The following LAMC2 variants were observed in gnomAD, a reference collection of about 807,000 sequenced individuals.
LAMC2 encodes the protein laminin subunit gamma 2.
In LAMC2, 97 loss-of-function variants were observed where a neutral mutation model predicts 140.2. The ratio of observed to expected loss-of-function variants is 0.69; its 90% CI spans 0.59 to 0.82. LAMC2 has a LOEUF of 0.82. LAMC2 is among the 40% of genes least tolerant of loss of function. The pLI, the probability that LAMC2 is intolerant of heterozygous loss-of-function variation, is 0.00. For missense variants in LAMC2, 1,402 were observed against 1,476.1 expected, an observed-to-expected ratio of 0.95 and a Z score of 0.82; for synonymous variants, 513 against 540.2, an observed-to-expected ratio of 0.95 and a Z score of 0.70.
chr1:183,224,719 C>G (rs1197330905), intron 7 of LAMC2, among the ~76,000 whole-genome samples: 1 of 151,508 alleles, frequency 6.6e-6, no homozygotes, highest in African/African-American at 2.4e-5. Flanking sequence ...GCTCTCCTGC[C>G]TGGAATACTC....
rs1189267296 is a variant in LAMC2, at chr1:183,221,444, C to A, written c.640+483C>A. 3.9e-5 allele frequency among the ~76,000 whole-genome samples: 6 copies of A among 152,146 alleles called. No homozygotes were observed. In the East Asian group the frequency reaches 1.2e-3, roughly 29 times the overall value. On this transcript the variant is annotated intron_variant, in intron 5 of 22. Coordinates refer to ENST00000264144, the MANE Select transcript of LAMC2 (RefSeq NM_005562.3). ...GAGTTTCCCTTTGAAAAGACTGGAC[C>A]CGGGCCAAGCGTGGTGGCTCACACC...
chr1:183,190,080 T>A (rs1040975257), intron 1 of LAMC2, among the ~76,000 whole-genome samples: 1 of 152,152 alleles, frequency 6.6e-6, no homozygotes, highest in African/African-American at 2.4e-5. Context: ...TGGGTTCAAA[T>A]CCCAGCCCTA....
intron 1 of LAMC2, among the ~76,000 whole-genome samples, chr1:183,201,482 A>G (rs1043375898): frequency 2.0e-5 from 3 of 152,006 alleles, no homozygotes; most frequent in Non-Finnish European, 4.4e-5. Context: ...CCCTAACTCC[A>G]TTTCCCCATA....
At chr1:183,258,038 A>T in the LAMC2 span, among the ~76,000 whole-genome samples, 15 of 152,174 alleles carry the variant, frequency 9.9e-5, no homozygotes, top group Non-Finnish European at 1.9e-4. Flanking sequence ...GTTCCTCTGC[A>T]TGCTGGCCTC....
At chr1:183,236,711 A>G in intron 17 of LAMC2, 107 bp downstream of exon 17, 1 of 1,342,894 alleles carries the variant, frequency 7.4e-7, no homozygotes, top group Non-Finnish European at 1.1e-6. Context: ...CTCCATGTTG[A>G]CCATTTCTGT....
the LAMC2 span, chr1:183,250,434 G>A: frequency 6.6e-6 from 1 of 152,264 alleles, no homozygotes; most frequent in African/African-American, 2.4e-5. Flanking sequence ...GAGCACCTGG[G>A]ACAGATATAA....
At chr1:183,186,947 T>C (rs1339023519) in intron 1 of LAMC2, among the ~76,000 whole-genome samples, 1 of 152,210 alleles carries the variant, frequency 6.6e-6, no homozygotes, top group Non-Finnish European at 1.5e-5. Context: ...TCATAGTATT[T>C]TCATGTAATA....
intron 1 of LAMC2, among the ~76,000 whole-genome samples, chr1:183,199,097 CTTTTT>C (rs906113983): frequency 7.4e-5 from 5 of 67,608 alleles, no homozygotes; most frequent in South Asian, 1.3e-3. Context: ...GTTGGCTTTT[CTTTTT>C]TTTTTTTTTT....
At chr1:183,189,980 T>C (rs751346749) in intron 1 of LAMC2, among the ~76,000 whole-genome samples, 18 of 152,214 alleles carry the variant, frequency 1.2e-4, no homozygotes, top group Non-Finnish European at 1.8e-4. Context: ...TCCTTGGAAA[T>C]GTTTATGCTC....
chr1:183,228,548 T>C lies in LAMC2; in HGVS notation c.1643T>C (p.Ile548Thr). The change falls in exon 11 of 23, where the codon ATC becomes ACC. Residue 548 changes from isoleucine to threonine, a missense_variant. By Grantham distance (89) the Ile-to-Thr change is moderately conservative. This residue lies in a region of LAMC2 where 723 missense variants were observed against 783.3 expected (regional missense o/e 0.92). Transcript: ENST00000264144. The surrounding 1 kb of genome is among the most constrained non-coding windows in gnomAD (Gnocchi z 4.3). ...AAGTGTATCCACAACACAGCCGGCATCTACTGCGACCAGTGCAAAGCAGGC... is the reference window on the plus strand; with the variant it reads ...AAGTGTATCCACAACACAGCCGGCACCTACTGCGACCAGTGCAAAGCAGGC... ...CLKCIHNTAG[I>T]YCDQCKAGYF... 6.2e-7 allele frequency: 1 copy of C among 1,613,978 alleles called. No homozygotes were observed. The highest frequency in any genetic ancestry group is 8.5e-7 in the Non-Finnish European group (1 of 1,180,012).
intron 13 of LAMC2, 51 bp downstream of exon 13, chr1:183,232,394 A>C (rs1416008572): frequency 1.3e-6 from 2 of 1,594,976 alleles, no homozygotes; most frequent in South Asian, 2.2e-5. Flanking sequence ...TAGTCCTAGA[A>C]GGAATGGCTA....
At chr1:183,246,423 G>A (rs1050930558), downstream of LAMC2, among the ~76,000 whole-genome samples, 21 of 152,126 alleles carry the variant, frequency 1.4e-4, no homozygotes, top group African/African-American at 4.6e-4. Context: ...CTGATTTTTC[G>A]TCAGTATTAG....
At chr1:183,201,648 G>A (rs920032646) in intron 1 of LAMC2, among the ~76,000 whole-genome samples, 2 of 152,232 alleles carry the variant, frequency 1.3e-5, no homozygotes, top group African/African-American at 4.8e-5. Context: ...GGTGGCTCAC[G>A]CCTGTAATCC....
chr1:183,227,319 G>A (rs1485036907), intron 9 of LAMC2, among the ~76,000 whole-genome samples, 196 bp from the exon 10 acceptor site: 1 of 152,126 alleles, frequency 6.6e-6, no homozygotes, highest in Admixed American at 6.5e-5. Context: ...TTGCATAGGG[G>A]AGTGAGGGTG....
intron 1 of LAMC2, among the ~76,000 whole-genome samples, chr1:183,192,369 A>G (rs911038024): frequency 2.0e-5 from 3 of 152,242 alleles, no homozygotes; most frequent in Admixed American, 2.0e-4. Context: ...AAATCATCCA[A>G]ATGCTCAGCT....
chr1:183,220,894 G>C lies in LAMC2; in HGVS notation c.573G>C (p.Gly191=), dbSNP rs762916214. 9 of 1,613,956 alleles carry C rather than the reference G, an allele frequency of 5.6e-6. No homozygotes were observed. In the South Asian group the frequency reaches 8.8e-5, roughly 16 times the overall value. ...PEGCTQCFCY[G]HSASCRSSAE... is the part of the protein sequence containing the mutation. ...GCTGTACCCAGTGTTTCTGCTATGG[G>C]CATTCAGCCAGCTGCCGCAGCTCTG... The change falls in exon 5 of 23, where the codon GGG becomes GGC. Residue 191 remains glycine (G), a synonymous_variant. Transcript: ENST00000264144.
intron 1 of LAMC2, among the ~76,000 whole-genome samples, chr1:183,201,467 A>T (rs1266375675): frequency 6.6e-6 from 1 of 151,628 alleles, no homozygotes; most frequent in Non-Finnish European, 1.5e-5. Context: ...CCCTGCTTCC[A>T]CCCTCCCTAA....
In LAMC2 at chr1:183,207,934, A is replaced by G. The variant is rs1333876460; in HGVS notation, c.133A>G (p.Arg45Gly). 2.5e-6 allele frequency: 4 copies of G among 1,613,342 alleles called. No homozygotes were observed. The South Asian group carries it at 3.3e-5, about 13-fold the overall frequency. The change falls in exon 2 of 23, where the codon AGA becomes GGA. Residue 45 changes from arginine (R) to glycine (G), a missense_variant. Physicochemically the swap from Arg to Gly is moderately radical, Grantham distance 125. This residue lies in a region of LAMC2 where 723 missense variants were observed against 783.3 expected (regional missense o/e 0.92). Transcript: ENST00000264144. The part of the protein sequence containing the change: ...RQCIFDRELH[R>G]QTGNGFRCLN... ...GTGTATCTTTGATCGGGAACTTCAC[A>G]GACAAACTGGTAATGGATTCCGCTG...
At chr1:183,226,955 C>T in intron 9 of LAMC2, 39 bp downstream of exon 9, 1 of 1,502,908 alleles carries the variant, frequency 6.7e-7, no homozygotes, top group Middle Eastern at 2.1e-4. Context: ...GCTGGGGTGT[C>T]ATGTGGAAGA....
Sources: allele counts gnomAD v4.1 joint callset (sites outside exome capture counted in the v4.1 genomes callset), GRCh38; gene constraint gnomAD v4.1.1; regional missense constraint gnomAD v4.1.1; non-coding constraint Gnocchi (gnomAD v3.1); transcripts MANE v1.5; gene names NCBI Gene and HGNC (gene_info 2026-07-23, HGNC 2026-07-21).